Variants in CNNM2 observed in about 807,000 individuals in gnomAD.
CNNM2 encodes cyclin and CBS domain divalent metal cation transport mediator 2.
A neutral mutation model predicts 66.9 loss-of-function variants in CNNM2; 12 were observed. That is an observed-to-expected ratio of 0.18 (90% confidence interval 0.11 to 0.29). The LOEUF is 0.29. Ranked by LOEUF, CNNM2 falls within the 10% of genes least tolerant of loss-of-function variation. CNNM2 has a pLI of 1.00. For missense variants in CNNM2, 705 were observed against 1,167.7 expected (o/e 0.60, Z 5.77); for synonymous variants, 557 against 501.8 (o/e 1.11, Z -1.47).
rs2066314627 is a variant in CNNM2, at chr10:103,090,057, C to T, written c.*12877C>T. ...TCAATATAGACTTATCTTCATAGAA[C>T]TACTTATAGTTGCCTGTCTTCCTCT... is the stretch of plus-strand genomic sequence containing the variant. On this transcript the variant is annotated 3_prime_UTR_variant, in exon 8 of 8. Transcript: ENST00000369878. 7 of 551,610 alleles carry T rather than the reference C, an allele frequency of 1.3e-5. No homozygotes were observed. Among genetic ancestry groups the T allele is most frequent in the Non-Finnish European group, 2.1e-5 (7 of 327,852 alleles). 34.2% of individuals were successfully genotyped at this position (551,610 alleles called of 1,614,324 possible). A position where few individuals can be genotyped will look rare whatever the true frequency, so the allele number is the denominator to read the frequency against.
chr10:102,960,975 C>G (rs1217048855), intron 1 of CNNM2, among the ~76,000 whole-genome samples: 2 of 151,270 alleles, frequency 1.3e-5, no homozygotes, highest in African/African-American at 4.9e-5. Flanking sequence ...CTCACTCCAA[C>G]CTCCGGTTTC....
intron 1 of CNNM2, among the ~76,000 whole-genome samples, chr10:102,985,192 G>T (rs533847055): frequency 7.7e-4 from 117 of 152,226 alleles, no homozygotes; most frequent in Non-Finnish European, 1.2e-3. Flanking sequence ...AATTGCTGCA[G>T]ATTGTTTTAT....
At chr10:103,041,726 T>G (rs1037826748) in intron 1 of CNNM2, among the ~76,000 whole-genome samples, 1 of 152,228 alleles carries the variant, frequency 6.6e-6, no homozygotes, top group African/African-American at 2.4e-5. Context: ...GACTGCTTTC[T>G]GCTATTTGGG....
chr10:102,918,882 G>C lies in CNNM2; in HGVS notation c.402G>C (p.Gly134=), dbSNP rs1334773492. The C allele has an allele frequency of 1.2e-6, 2 of 1,608,818 alleles. No individual in the cohort carries two copies. Among genetic ancestry groups the C allele is most frequent in the Non-Finnish European group, 1.7e-6 (2 of 1,177,636 alleles). The change falls in exon 1 of 8, where the codon GGG becomes GGC. Residue 134 remains glycine, a synonymous_variant. Transcript: ENST00000369878. The surrounding 1 kb of genome is among the most constrained non-coding windows in gnomAD (Gnocchi z 4.1). The part of the protein sequence containing the change: ...ERRRHSPGER[G]LGGPAPPEPD... Reference sequence around the variant, plus strand: ...GGCGCCACAGCCCGGGGGAGCGCGGGCTGGGGGGCCCCGCGCCGCCAGAGC... The same window carrying C: ...GGCGCCACAGCCCGGGGGAGCGCGGCCTGGGGGGCCCCGCGCCGCCAGAGC...
In CNNM2 at chr10:103,081,948, A is replaced by T. The variant is rs1185416094; in HGVS notation, c.*4768A>T. The T allele has an allele frequency of 3.3e-5, 5 of 152,244 alleles. No individual in the cohort carries two copies. Among genetic ancestry groups the T allele is most frequent in the Admixed American group, 1.3e-4 (2 of 15,282 alleles). 9.4% of individuals were successfully genotyped at this position (152,244 alleles called of 1,614,324 possible). A position where few individuals can be genotyped will look rare whatever the true frequency, so the allele number is the denominator to read the frequency against. ...GCTCAAGTAAGCACGTTCTCTCTGT[A>T]TGCTAGAGCTACTGACATCATCTCT... On this transcript the variant is annotated 3_prime_UTR_variant, in exon 8 of 8. Coordinates refer to ENST00000369878, the MANE Select transcript of CNNM2 (RefSeq NM_017649.5).
chr10:102,965,386 G>A (rs1343289857), intron 1 of CNNM2, among the ~76,000 whole-genome samples: 2 of 152,126 alleles, frequency 1.3e-5, no homozygotes, highest in East Asian at 3.8e-4. Context: ...TATAGACGGG[G>A]GATTATTTGA....
intron 1 of CNNM2, among the ~76,000 whole-genome samples, chr10:103,026,971 T>C (rs1478195656): frequency 3.3e-5 from 5 of 152,256 alleles, no homozygotes; most frequent in Non-Finnish European, 7.3e-5. Flanking sequence ...AAAATACTTG[T>C]TGAATGAATT....
At position 102,999,657 on chromosome 10, in the gene CNNM2, C is replaced by G. The variant is rs868243149; in HGVS notation, c.1622-50050C>G. Among the ~76,000 whole-genome samples the G allele has an allele frequency of 2.6e-5, 4 of 152,178 alleles. No homozygotes were observed. In the East Asian group the frequency reaches 5.8e-4, roughly 22 times the overall value. ...AAAATCCAGGCTGCCCTTCCCCCCC[C>G]ACCTCTCCGCACCAGAGGTTGGCAT... On this transcript the variant is annotated intron_variant, in intron 1 of 7. Coordinates refer to ENST00000369878, the MANE Select transcript of CNNM2 (RefSeq NM_017649.5).
At chr10:102,985,071 A>G (rs2063775247) in intron 1 of CNNM2, among the ~76,000 whole-genome samples, 1 of 152,208 alleles carries the variant, frequency 6.6e-6, no homozygotes, top group African/African-American at 2.4e-5. Context: ...ATTTTCTAAC[A>G]TGAAAAGGAA....
chr10:102,999,651 C>T (rs2064078012), intron 1 of CNNM2, among the ~76,000 whole-genome samples: 1 of 151,794 alleles, frequency 6.6e-6, no homozygotes, highest in African/African-American at 2.4e-5. Flanking sequence ...GCTGCCCTTC[C>T]CCCCCCACCT....
Position 103,084,894 on chromosome 10 carries a change from G to GT in CNNM2, c.*7714_*7715insT, listed in dbSNP as rs1291562569. ...TATACTTTTTGAAGGTAATTTAAAA[G>GT]AGATGATTCTTTATTAAAGCCAAAA... On this transcript the variant is annotated 3_prime_UTR_variant, in exon 8 of 8. Coordinates refer to ENST00000369878, the MANE Select transcript of CNNM2 (RefSeq NM_017649.5). The GT allele has an allele frequency of 6.6e-6, 1 of 152,180 alleles. No homozygotes were observed. The highest frequency in any genetic ancestry group is 2.4e-5 in the African/African-American group (1 of 41,454). 9.4% of individuals were successfully genotyped at this position (152,180 alleles called of 1,614,324 possible).
chr10:103,089,427 G>C lies in CNNM2; in HGVS notation c.*12247G>C. Reference sequence around the variant, plus strand: ...AGTGGAGCCATATACATGCAGTTCAGCCTGATTTTACCCTTATTTTCTTCT... The same window carrying C: ...AGTGGAGCCATATACATGCAGTTCACCCTGATTTTACCCTTATTTTCTTCT... On this transcript the variant is annotated 3_prime_UTR_variant, in exon 8 of 8. Coordinates refer to ENST00000369878, the MANE Select transcript of CNNM2 (RefSeq NM_017649.5). The C allele has an allele frequency of 2.2e-6, 1 of 460,260 alleles. No individual in the cohort carries two copies. Among genetic ancestry groups the C allele is most frequent in the Non-Finnish European group, 3.6e-6 (1 of 280,418 alleles). 28.5% of individuals were successfully genotyped at this position (460,260 alleles called of 1,614,324 possible). A position where few individuals can be genotyped will look rare whatever the true frequency, so the allele number is the denominator to read the frequency against.
chr10:102,996,751 A>G (rs1258839099), intron 1 of CNNM2, among the ~76,000 whole-genome samples: 1 of 152,256 alleles, frequency 6.6e-6, no homozygotes, highest in Non-Finnish European at 1.5e-5. Context: ...TTGCATTATC[A>G]TAATTACATA....
In CNNM2 at chr10:103,026,223, G is replaced by A. The variant is rs2064700098; in HGVS notation, c.1622-23484G>A. 6.6e-6 allele frequency among the ~76,000 whole-genome samples: 1 copy of A among 152,152 alleles called. No individual in the cohort carries two copies. Among genetic ancestry groups the A allele is most frequent in the African/African-American group, 2.4e-5 (1 of 41,420 alleles). On this transcript the variant is annotated intron_variant, in intron 1 of 7. Transcript: ENST00000369878. ...GCAGCACAAAATGGACTGAGACAGT[G>A]TCCGTAGAAACAACTTTTCTATTCT...
intron 4 of CNNM2, among the ~76,000 whole-genome samples, chr10:103,063,873 G>A (rs936578448): frequency 2.0e-5 from 3 of 152,126 alleles, no homozygotes; most frequent in Non-Finnish European, 2.9e-5. Context: ...TATCTGAAAG[G>A]ACACCTAATT....
intron 1 of CNNM2, among the ~76,000 whole-genome samples, chr10:102,993,781 A>G (rs934352193): frequency 3.3e-5 from 5 of 151,998 alleles, no homozygotes; most frequent in East Asian, 1.9e-4. Flanking sequence ...AAAAATTTTC[A>G]GGGTATACTT....
intron 4 of CNNM2, among the ~76,000 whole-genome samples, chr10:103,066,890 C>T (rs937876226): frequency 6.6e-6 from 1 of 152,060 alleles, no homozygotes; most frequent in Non-Finnish European, 1.5e-5. Context: ...GTAGCACCTG[C>T]CCATTTGCAG....
At chr10:102,993,784 G>T (rs890854749) in intron 1 of CNNM2, among the ~76,000 whole-genome samples, 1 of 150,488 alleles carries the variant, frequency 6.6e-6, no homozygotes, top group Non-Finnish European at 1.5e-5. Context: ...AATTTTCAGG[G>T]TATACTTTTC....
At chr10:102,922,873 C>T (rs1044775483) in intron 1 of CNNM2, among the ~76,000 whole-genome samples, 8 of 145,066 alleles carry the variant, frequency 5.5e-5, no homozygotes, top group African/African-American at 2.0e-4. Flanking sequence ...GCCTGGGAGG[C>T]GGAGATTGCA....
Sources: allele counts gnomAD v4.1 joint callset (sites outside exome capture counted in the v4.1 genomes callset), GRCh38; gene constraint gnomAD v4.1.1; non-coding constraint Gnocchi (gnomAD v3.1); transcripts MANE v1.5; gene names NCBI Gene and HGNC (gene_info 2026-07-23, HGNC 2026-07-21).